EIF2AK3: variants seen among roughly 807,000 people sequenced by gnomAD.
The protein encoded by EIF2AK3 is eukaryotic translation initiation factor 2-alpha kinase 3.
In EIF2AK3, 50 loss-of-function variants were observed where a neutral mutation model predicts 113.5. The ratio of observed to expected loss-of-function variants is 0.44; its 90% confidence interval spans 0.35 to 0.56. The LOEUF (loss-of-function observed/expected upper bound fraction) is 0.56. Among genes scored for constraint, EIF2AK3 ranks in the 20% least tolerant of loss-of-function variants. The pLI, the probability that EIF2AK3 is intolerant of heterozygous loss-of-function variation, is 0.00. For synonymous variants in EIF2AK3, 448 were observed against 495.4 expected, an observed-to-expected ratio of 0.90 and a Z score of 1.27; for missense variants, 1,185 against 1,378.0, an observed-to-expected ratio of 0.86 and a Z score of 2.22.
intron 3 of EIF2AK3, among the ~76,000 whole-genome samples, chr2:88,594,628 T>C (rs1164767549): frequency 1.3e-5 from 2 of 152,144 alleles, no homozygotes; most frequent in Admixed American, 6.6e-5. Flanking sequence ...CATGACTTTG[T>C]TGTCAGATAG....
intron 1 of EIF2AK3, among the ~76,000 whole-genome samples, chr2:88,617,755 C>CAA (rs34207001): frequency 0.028 from 4,064 of 145,300 alleles, 166 homozygotes; most frequent in African/African-American, 0.085. Context: ...GACTCCATCT[C>CAA]AAAAAAAAAA....
At chr2:88,583,580 G>C in intron 9 of EIF2AK3, 38 bp from the exon 10 acceptor site, 1 of 1,451,142 alleles carries the variant, frequency 6.9e-7, no homozygotes. Flanking sequence ...CCAGTACAAA[G>C]CTGAACTGAA....
chr2:88,600,361 T>C (rs1675120839), intron 2 of EIF2AK3, among the ~76,000 whole-genome samples: 1 of 152,078 alleles, frequency 6.6e-6, no homozygotes, highest in South Asian at 2.1e-4. Flanking sequence ...CAGCTGCAAA[T>C]CTCTTGGTAG....
chr2:88,577,836 C>T (rs945272168), intron 11 of EIF2AK3, among the ~76,000 whole-genome samples: 2 of 152,176 alleles, frequency 1.3e-5, no homozygotes, highest in African/African-American at 4.8e-5. Context: ...CCACCTGTCT[C>T]CTACTGAGGG....
chr2:88,592,239 G>T (rs911373878), intron 4 of EIF2AK3, among the ~76,000 whole-genome samples: 1 of 151,782 alleles, frequency 6.6e-6, no homozygotes. Flanking sequence ...TTACATAAGG[G>T]GTTCATTATT....
intron 1 of EIF2AK3, among the ~76,000 whole-genome samples, chr2:88,620,494 A>G (rs1675694144): frequency 6.6e-6 from 1 of 152,272 alleles, no homozygotes; most frequent in African/African-American, 2.4e-5. Flanking sequence ...ATTCTAGTTC[A>G]AAGCAAAGGA....
In EIF2AK3 at chr2:88,618,900, G is replaced by A. The variant is rs1675649329; in HGVS notation, c.309-5047C>T. 2.0e-5 allele frequency among the ~76,000 whole-genome samples: 3 copies of A among 152,024 alleles called. No individual in the cohort carries two copies. In the South Asian group the frequency reaches 6.2e-4, roughly 32 times the overall value. On this transcript the variant is annotated intron_variant, in intron 1 of 16. Coordinates refer to ENST00000303236, the MANE Select transcript of EIF2AK3 (RefSeq NM_004836.7). ...CAGATTCACTCCCCTCATCAGGCCT[G>A]TCTTCACAAAAGCCACCGTTGTGGC...
At position 88,603,409 on chromosome 2, in the gene EIF2AK3, T is replaced by G. The variant is rs185504846; in HGVS notation, c.439-7746A>C. ...TCCCACTGCTTTCCAAGTTCCCCAG[T>G]TGACAGTGGAAAGGGTTTTCTGATG... On this transcript the variant is annotated intron_variant, in intron 2 of 16. Transcript: ENST00000303236. Among the ~76,000 whole-genome samples the G allele has an allele frequency of 1.1e-3, 174 of 152,338 alleles. 1 individual carries two copies. The highest frequency in any genetic ancestry group is 3.9e-3 in the African/African-American group (163 of 41,588).
chr2:88,585,931 G>A lies in EIF2AK3; in HGVS notation c.1560C>T (p.His520=), dbSNP rs1160632355. The A allele has an allele frequency of 6.2e-7, 1 of 1,614,128 alleles. No individual in the cohort carries two copies. Among genetic ancestry groups the A allele is most frequent in the East Asian group, 2.2e-5 (1 of 44,880 alleles). The change falls in exon 9 of 17, where the codon CAC becomes CAT. Residue 520 remains histidine (H), a synonymous_variant. Coordinates refer to ENST00000303236, the MANE Select transcript of EIF2AK3 (RefSeq NM_004836.7). ...IRKKDPVLLL[H]WWKEIVATIL... is the part of the protein sequence containing the mutation. ...TCGTTGCAACTATTTCTTTCCACCA[G>A]TGTAAAAGAAGAACAGGATCCTTTT...
At position 88,627,453 on chromosome 2, in the gene EIF2AK3, G is replaced by T; in HGVS notation, c.-179C>A. On this transcript the variant is annotated 5_prime_UTR_variant, in exon 1 of 17. Transcript: ENST00000303236. ...AGCCCGGCCTCTGCCGCTGCCACCT[G>T]AGTGACAGCCTATCTCGGACATCGC... 1 of 706,682 alleles carries T rather than the reference G, an allele frequency of 1.4e-6. No individual in the cohort carries two copies. Among genetic ancestry groups the T allele is most frequent in the Non-Finnish European group, 2.0e-6 (1 of 494,870 alleles). 43.8% of individuals were successfully genotyped at this position (706,682 alleles called of 1,614,324 possible). A position where few individuals can be genotyped will look rare whatever the true frequency, so the allele number is the denominator to read the frequency against.
At chr2:88,575,626 A>C in intron 12 of EIF2AK3, 180 bp from the exon 13 acceptor site, 1 of 698,780 alleles carries the variant, frequency 1.4e-6, no homozygotes, top group East Asian at 2.7e-5. Flanking sequence ...CATTCCATTC[A>C]TTCCTTCTAA....
chr2:88,563,158 C>T (rs374993734), intron 14 of EIF2AK3, among the ~76,000 whole-genome samples: 225 of 152,292 alleles, frequency 1.5e-3, no homozygotes, highest in South Asian at 7.5e-3. Flanking sequence ...ATTTGAGAAA[C>T]TGCCAAAGAA....
At chr2:88,610,546 G>A (rs560463918) in intron 2 of EIF2AK3, among the ~76,000 whole-genome samples, 9 of 152,134 alleles carry the variant, frequency 5.9e-5, no homozygotes, top group South Asian at 2.1e-4. Context: ...TCTTCTTTAC[G>A]TAGTTAAATC....
chr2:88,598,330 G>C (rs945857939), intron 2 of EIF2AK3, among the ~76,000 whole-genome samples: 1 of 152,090 alleles, frequency 6.6e-6, no homozygotes, highest in Non-Finnish European at 1.5e-5. Flanking sequence ...ATGTTCTAGG[G>C]TGTCTCCTTA....
chr2:88,576,158 C>A (rs752348972), intron 12 of EIF2AK3, among the ~76,000 whole-genome samples: 1 of 152,166 alleles, frequency 6.6e-6, no homozygotes, highest in Non-Finnish European at 1.5e-5. Flanking sequence ...GAAGCAGATA[C>A]CTTATACTGA....
chr2:88,588,111 G>T lies in EIF2AK3; in HGVS notation c.1307-7C>A, dbSNP rs1031811089. ...GGAGTTCTGGAAGGAGAATCTAAAA[G>T]AAAATTATTATTTTCTTAATAATAA... On this transcript the variant is annotated splice_region_variant and splice_polypyrimidine_tract_variant and intron_variant, in intron 7 of 16. Coordinates refer to ENST00000303236, the MANE Select transcript of EIF2AK3 (RefSeq NM_004836.7). 1.6e-5 allele frequency: 23 copies of T among 1,455,786 alleles called. No homozygotes were observed. The highest frequency in any genetic ancestry group is 2.2e-5 in the Non-Finnish European group (23 of 1,051,248). 90.2% of individuals were successfully genotyped at this position (1,455,786 alleles called of 1,614,324 possible). A position where few individuals can be genotyped will look rare whatever the true frequency, so the allele number is the denominator to read the frequency against.
intron 5 of EIF2AK3, 94 bp from the exon 6 acceptor site, chr2:88,590,699 A>C (rs1674865369): frequency 6.4e-7 from 1 of 1,567,638 alleles, no homozygotes; most frequent in South Asian, 1.1e-5. Context: ...AAATTTATAA[A>C]AGCACAGAGA....
intron 6 of EIF2AK3, among the ~76,000 whole-genome samples, chr2:88,589,953 T>C (rs116753672): frequency 6.6e-6 from 1 of 152,108 alleles, no homozygotes; most frequent in Non-Finnish European, 1.5e-5. Context: ...AATTTCAGAA[T>C]TGGGCTGGGC....
intron 13 of EIF2AK3, among the ~76,000 whole-genome samples, chr2:88,571,388 AATAATT>A (rs1437366194): frequency 6.6e-6 from 1 of 152,218 alleles, no homozygotes; most frequent in African/African-American, 2.4e-5. Context: ...TTAAAGCCTT[AATAATT>A]ATAACTAATA....
Sources: allele counts gnomAD v4.1 joint callset (sites outside exome capture counted in the v4.1 genomes callset), GRCh38; gene constraint gnomAD v4.1.1; transcripts MANE v1.5; gene names NCBI Gene and HGNC (gene_info 2026-07-23, HGNC 2026-07-21).